TMEM74: variants seen among roughly 807,000 people sequenced by gnomAD.
TMEM74 encodes transmembrane protein 74.
In TMEM74, 13 loss-of-function variants were observed where a neutral mutation model predicts 18.1. The ratio of observed to expected loss-of-function variants is 0.72; its 90% CI spans 0.47 to 1.14. TMEM74 has a LOEUF of 1.14. Among genes scored for constraint, TMEM74 ranks in the 50% most tolerant of loss-of-function variants. TMEM74 has a pLI of 0.00. For missense variants in TMEM74, 372 were observed against 375.9 expected (o/e 0.99, Z 0.09); for synonymous variants, 159 against 146.6 (o/e 1.08, Z -0.61).
chr8:108,785,199 T>C lies in TMEM74; in HGVS notation c.-39-62A>G, dbSNP rs1814369759. ...GAAGCTAAGGTTGTACTTCCAGGAG[T>C]GTTGCTCCTGGGGTCCCCATTTCCT... On this transcript the variant is annotated intron_variant, in intron 1 of 1. Transcript: ENST00000297459. 32 of 1,282,316 alleles carry C rather than the reference T, an allele frequency of 2.5e-5. No homozygotes were observed. In the South Asian group the frequency reaches 4.9e-4, roughly 20 times the overall value. The allele number at this position is 1,282,316 out of a possible 1,614,324, so 79.4% of individuals were successfully genotyped here. A position where few individuals can be genotyped will look rare whatever the true frequency, so the allele number is the denominator to read the frequency against.
intron 1 of TMEM74, among the ~76,000 whole-genome samples, chr8:108,665,288 G>T (rs1330947371): frequency 1.3e-5 from 2 of 152,124 alleles, no homozygotes; most frequent in Non-Finnish European, 2.9e-5. Context: ...TCTGGGATGG[G>T]TGAAGAAGTT....
At chr8:108,643,916 C>T (rs375121948) in intron 2 of TMEM74, among the ~76,000 whole-genome samples, 1 of 152,022 alleles carries the variant, frequency 6.6e-6, no homozygotes, top group Non-Finnish European at 1.5e-5. Context: ...GTTAAAATGG[C>T]CATATTGCCC....
chr8:108,671,025 G>C (rs1813000259), intron 1 of TMEM74, among the ~76,000 whole-genome samples: 1 of 152,060 alleles, frequency 6.6e-6, no homozygotes, highest in Non-Finnish European at 1.5e-5. Context: ...TATACAGTTG[G>C]AAAAATACAG....
intron 1 of TMEM74, among the ~76,000 whole-genome samples, chr8:108,704,963 G>T: frequency 6.6e-6 from 1 of 152,212 alleles, no homozygotes; most frequent in East Asian, 1.9e-4. Context: ...TATCTGCTTA[G>T]TGATCACTGA....
chr8:108,683,797 T>C (rs1813139518), intron 1 of TMEM74, among the ~76,000 whole-genome samples: 1 of 152,036 alleles, frequency 6.6e-6, no homozygotes, highest in Admixed American at 6.6e-5. Context: ...TATTCTACTC[T>C]TTACTTCTAT....
intron 2 of TMEM74, among the ~76,000 whole-genome samples, chr8:108,610,273 G>A (rs776299828): frequency 6.6e-6 from 1 of 152,094 alleles, no homozygotes; most frequent in Non-Finnish European, 1.5e-5. Context: ...GGAGATAAGG[G>A]TGCTGACTCT....
At chr8:108,660,962 G>T (rs1487245791) in intron 1 of TMEM74, among the ~76,000 whole-genome samples, 1 of 152,060 alleles carries the variant, frequency 6.6e-6, no homozygotes, top group African/African-American at 2.4e-5. Flanking sequence ...GGGAGGTTAG[G>T]ATCCATCCAT....
intron 1 of TMEM74, among the ~76,000 whole-genome samples, chr8:108,710,547 G>C (rs1813464183): frequency 6.6e-6 from 1 of 152,214 alleles, no homozygotes; most frequent in African/African-American, 2.4e-5. Context: ...ATAGCTGAAA[G>C]AACACTTAGG....
At chr8:108,752,834 C>T (rs1458456522) in intron 1 of TMEM74, among the ~76,000 whole-genome samples, 3 of 152,068 alleles carry the variant, frequency 2.0e-5, no homozygotes, top group African/African-American at 4.8e-5. Flanking sequence ...AATTTCTTAT[C>T]TGTCTTAGAA....
intron 1 of TMEM74, among the ~76,000 whole-genome samples, chr8:108,736,812 A>G (rs1813753956): frequency 6.6e-6 from 1 of 152,138 alleles, no homozygotes; most frequent in East Asian, 1.9e-4. Flanking sequence ...GGGCTGTATG[A>G]GTAGAATCTT....
chr8:108,638,457 TTTC>T (rs1242381219), intron 2 of TMEM74, among the ~76,000 whole-genome samples: 1 of 152,100 alleles, frequency 6.6e-6, no homozygotes, highest in East Asian at 1.9e-4. Context: ...TCATGTTGTT[TTTC>T]TTATTACTTG....
intron 1 of TMEM74, among the ~76,000 whole-genome samples, chr8:108,690,829 TAAA>T (rs1373939380): frequency 6.6e-6 from 1 of 151,296 alleles, no homozygotes; most frequent in Non-Finnish European, 1.5e-5. Flanking sequence ...TCAAAAAAAA[TAAA>T]AAATAATAAT....
chr8:108,757,564 C>T (rs1432241961), intron 1 of TMEM74, among the ~76,000 whole-genome samples: 1 of 151,740 alleles, frequency 6.6e-6, no homozygotes, highest in Non-Finnish European at 1.5e-5. Context: ...GAGAAAGAAC[C>T]TTAACAAAGT....
In TMEM74 at chr8:108,784,126, C is replaced by CT. The variant is rs1467414940; in HGVS notation, c.*54dup. ...TGCACTGTGAATTTTTATAAATTAA[C>CT]TTTTTTCATATTATAAAATGCCAAG... On this transcript the variant is annotated 3_prime_UTR_variant, in exon 2 of 2. Coordinates refer to ENST00000297459, the MANE Select transcript of TMEM74 (RefSeq NM_153015.3). 1.4e-6 allele frequency: 2 copies of CT among 1,424,504 alleles called. No individual in the cohort carries two copies. The highest frequency in any genetic ancestry group is 1.9e-6 in the Non-Finnish European group (2 of 1,060,598). 88.2% of individuals were successfully genotyped at this position (1,424,504 alleles called of 1,614,324 possible).
At position 108,783,900 on chromosome 8, in the gene TMEM74, G is replaced by C. The variant is rs1460316801; in HGVS notation, c.*281C>G. ...AAATAATTTGTAGACTGGGTCATTA[G>C]AAATATTTTTCTATCGAAGTAGAAG... On this transcript the variant is annotated 3_prime_UTR_variant, in exon 2 of 2. Transcript: ENST00000297459. 7.9e-6 allele frequency: 2 copies of C among 251,860 alleles called. No homozygotes were observed. The highest frequency in any genetic ancestry group is 1.5e-5 in the Non-Finnish European group (2 of 133,718). 15.6% of individuals were successfully genotyped at this position (251,860 alleles called of 1,614,324 possible). A position where few individuals can be genotyped will look rare whatever the true frequency, so the allele number is the denominator to read the frequency against.
chr8:108,617,164 C>A (rs887517213), intron 2 of TMEM74, among the ~76,000 whole-genome samples: 1 of 151,548 alleles, frequency 6.6e-6, no homozygotes, highest in Non-Finnish European at 1.5e-5. Context: ...AGTATCATTG[C>A]GAAAAGAATT....
At chr8:108,616,149 G>A (rs1419675457) in intron 2 of TMEM74, among the ~76,000 whole-genome samples, 11 of 152,114 alleles carry the variant, frequency 7.2e-5, no homozygotes, top group Admixed American at 7.2e-4. Context: ...CAGCTGAGAT[G>A]ATCTTCCAAG....
chr8:108,764,572 T>C (rs1284844067), intron 1 of TMEM74, among the ~76,000 whole-genome samples: 1 of 152,158 alleles, frequency 6.6e-6, no homozygotes, highest in African/African-American at 2.4e-5. Context: ...CTTATTCCTC[T>C]GTATGCACAA....
chr8:108,706,325 G>A (rs1163026297), intron 1 of TMEM74, among the ~76,000 whole-genome samples: 5 of 152,160 alleles, frequency 3.3e-5, no homozygotes. Flanking sequence ...CAAAATGGGA[G>A]GATGTACTCT....
Sources: gnomAD v4.1 joint callset for allele counts (sites outside exome capture counted in the v4.1 genomes callset) on GRCh38, gnomAD v4.1.1 for gene constraint, MANE v1.5 for transcripts, NCBI Gene and HGNC (gene_info 2026-07-23, HGNC 2026-07-21) for gene names.